GSPT1: variants seen among roughly 807,000 people sequenced by gnomAD.
GSPT1 encodes G1 to S phase transition 1, also known as eukaryotic peptide chain release factor GTP-binding subunit ERF3A.
In GSPT1, 20 loss-of-function variants were observed where a neutral mutation model predicts 72.5. The observed-to-expected ratio is 0.28, with a 90% confidence interval of 0.19 to 0.40. The LOEUF (loss-of-function observed/expected upper bound fraction) is 0.40. GSPT1 is among the 10% of genes least tolerant of loss of function. The pLI, the probability that GSPT1 is intolerant of heterozygous loss-of-function variation, is 1.00. For synonymous variants in GSPT1, 334 were observed against 293.5 expected, an observed-to-expected ratio of 1.14 and a Z score of -1.41; for missense variants, 580 against 811.9, an observed-to-expected ratio of 0.71 and a Z score of 3.47.
Position 11,915,683 on chromosome 16 carries a change from C to T in GSPT1, c.38G>A (p.Gly13Asp). The T allele has an allele frequency of 1.4e-6, 2 of 1,410,562 alleles. No individual in the cohort carries two copies. Among genetic ancestry groups the T allele is most frequent in the Non-Finnish European group, 1.9e-6 (2 of 1,062,526 alleles). The allele number at this position is 1,410,562 out of a possible 1,614,324, so 87.4% of individuals were successfully genotyped here. A position where few individuals can be genotyped will look rare whatever the true frequency, so the allele number is the denominator to read the frequency against. ...GCTGCCGCTGCTGCTCCCGCCGCCG[C>T]CGCCGCCGCCGCCGCCGCCGCCACT... ...PGSGGGGGGG[G>D]GGGSSSGSSS... Residue 13 changes from glycine to aspartate, a missense_variant, in exon 1 of 15, where the codon GGC becomes GAC. Around this residue, in one of 6 missense-constraint regions of GSPT1, gnomAD observed 327 missense variants for 298.8 expected, o/e 1.09. Transcript: ENST00000434724.
At position 11,915,917 on chromosome 16, in the gene GSPT1, CG is replaced by C. The variant is rs751566895; in HGVS notation, c.-198del. ...ACACTCGCGACGACGACAGAGGCGGCGGCGGCGGCAGCTCAACCCTCCTCCT... is the reference window on the plus strand; with the variant it reads ...ACACTCGCGACGACGACAGAGGCGGCGCGGCGGCAGCTCAACCCTCCTCCT... On this transcript the variant is annotated 5_prime_UTR_variant, in exon 1 of 15. Coordinates refer to ENST00000434724, the MANE Select transcript of GSPT1 (RefSeq NM_002094.4). The C allele has an allele frequency of 2.5e-6, 2 of 805,016 alleles. No individual in the cohort carries two copies. Among genetic ancestry groups the C allele is most frequent in the Admixed American group, 3.4e-5 (2 of 58,082 alleles). The allele number at this position is 805,016 out of a possible 1,614,324, so 49.9% of individuals were successfully genotyped here.
intron 1 of GSPT1, among the ~76,000 whole-genome samples, chr16:11,903,673 G>A (rs1461438250): frequency 6.6e-6 from 1 of 152,120 alleles, no homozygotes; most frequent in Non-Finnish European, 1.5e-5. Context: ...CCTGGACCAC[G>A]GTGTGAGACC....
chr16:11,889,116 A>G (rs1235961694), intron 6 of GSPT1, among the ~76,000 whole-genome samples: 3 of 151,902 alleles, frequency 2.0e-5, no homozygotes, highest in African/African-American at 4.8e-5. Context: ...AGACCATCGT[A>G]GCTAACACGG....
In GSPT1 at chr16:11,915,460, C is replaced by G. The variant is rs1389020825; in HGVS notation, c.261G>C (p.Pro87=). ...VPNVHAAEFV[P]SFLRGPAAPP... ...GCGCTGCCGGGCCCCGCAGGAAGGA[C>G]GGCACGAACTCGGCGGCGTGGACGT... Residue 87 remains proline (P), a synonymous_variant, in exon 1 of 15, where the codon CCG becomes CCC. Coordinates refer to ENST00000434724, the MANE Select transcript of GSPT1 (RefSeq NM_002094.4). The G allele has an allele frequency of 1.3e-6, 2 of 1,547,008 alleles. No homozygotes were observed. Among genetic ancestry groups the G allele is most frequent in the African/African-American group, 1.4e-5 (1 of 69,914 alleles).
At position 11,915,172 on chromosome 16, in the gene GSPT1, C is replaced by A. The variant is rs375798736; in HGVS notation, c.352+197G>T. On this transcript the variant is annotated intron_variant, in intron 1 of 14. Transcript: ENST00000434724. ...TTGGGCGCGCTGCCCGCTGTCCGCT[C>A]CCCGCCCGGCCACCGCCGCGGGCCG... 1.7e-3 allele frequency: 1,722 copies of A among 1,030,586 alleles called. 24 individuals carry two copies. The African/African-American group carries it at 0.026, about 15-fold the overall frequency. 63.8% of individuals were successfully genotyped at this position (1,030,586 alleles called of 1,614,324 possible). A position where few individuals can be genotyped will look rare whatever the true frequency, so the allele number is the denominator to read the frequency against.
chr16:11,869,247 C>T lies in GSPT1; in HGVS notation c.*3872G>A, dbSNP rs1424090116. ...GAAACCTAATCTAACCAACTGACTGCTAAATGTAAAGCTAGTTAAGTCTTT... is the reference window on the plus strand; with the variant it reads ...GAAACCTAATCTAACCAACTGACTGTTAAATGTAAAGCTAGTTAAGTCTTT... On this transcript the variant is annotated 3_prime_UTR_variant, in exon 15 of 15. Transcript: ENST00000434724. 1.3e-5 allele frequency: 2 copies of T among 152,198 alleles called. No homozygotes were observed. Among genetic ancestry groups the T allele is most frequent in the Non-Finnish European group, 2.9e-5 (2 of 68,036 alleles). The allele number at this position is 152,198 out of a possible 1,614,324, so 9.4% of individuals were successfully genotyped here.
chr16:11,889,243 G>A (rs2141289829), intron 6 of GSPT1, among the ~76,000 whole-genome samples: 1 of 151,744 alleles, frequency 6.6e-6, no homozygotes, highest in Admixed American at 6.6e-5. Context: ...AGGAGGTGGA[G>A]CTTGCAGTGA....
chr16:11,874,638 G>A (rs1380230765), intron 14 of GSPT1, among the ~76,000 whole-genome samples: 3 of 151,908 alleles, frequency 2.0e-5, no homozygotes, highest in South Asian at 2.1e-4. Context: ...CCAATAACCA[G>A]TTTTACTATC....
At chr16:11,890,497 C>T (rs184605673) in intron 6 of GSPT1, among the ~76,000 whole-genome samples, 2 of 152,044 alleles carry the variant, frequency 1.3e-5, no homozygotes, top group Non-Finnish European at 2.9e-5. Context: ...AGCATTTCTC[C>T]CGCTTATTTT....
At chr16:11,900,436 G>A (rs1052443326) in intron 1 of GSPT1, among the ~76,000 whole-genome samples, 1 of 151,920 alleles carries the variant, frequency 6.6e-6, no homozygotes, top group African/African-American at 2.4e-5. Flanking sequence ...TGTGTAGGGA[G>A]TGGGGGATGG....
intron 11 of GSPT1, among the ~76,000 whole-genome samples, chr16:11,879,377 G>T (rs1278697157): frequency 6.6e-6 from 1 of 151,608 alleles, no homozygotes; most frequent in Non-Finnish European, 1.5e-5. Flanking sequence ...CTGGGCCACA[G>T]AAGGAGACTC....
chr16:11,911,163 T>C (rs553594919), intron 1 of GSPT1, among the ~76,000 whole-genome samples: 27 of 152,330 alleles, frequency 1.8e-4, no homozygotes, highest in Non-Finnish European at 3.4e-4. Flanking sequence ...ATCTTACCTA[T>C]TATCTACCTC....
chr16:11,896,700 G>A lies in GSPT1; in HGVS notation c.522C>T (p.Ser174=), dbSNP rs1192998026. ...EISEAEPGGG[S]LGDGRPPEES... Reference sequence around the variant, plus strand: ...CCTCTGGCGGCCTTCCATCTCCCAAGGAACCACCCCCTGGCTCTGCTTCAC... The same window carrying A: ...CCTCTGGCGGCCTTCCATCTCCCAAAGAACCACCCCCTGGCTCTGCTTCAC... Residue 174 remains serine, a synonymous_variant, in exon 4 of 15, where the codon TCC becomes TCT. Coordinates refer to ENST00000434724, the MANE Select transcript of GSPT1 (RefSeq NM_002094.4). 6.2e-7 allele frequency: 1 copy of A among 1,608,024 alleles called. No individual in the cohort carries two copies. The highest frequency in any genetic ancestry group is 1.1e-5 in the South Asian group (1 of 89,672).
At chr16:11,892,690 G>C (rs1267048597) in intron 5 of GSPT1, among the ~76,000 whole-genome samples, 1 of 150,794 alleles carries the variant, frequency 6.6e-6, no homozygotes, top group Non-Finnish European at 1.5e-5. Flanking sequence ...TTAGCCAGAC[G>C]TGGTGGTGCA....
intron 6 of GSPT1, among the ~76,000 whole-genome samples, chr16:11,888,012 A>G (rs183506046): frequency 6.6e-6 from 1 of 152,196 alleles, no homozygotes; most frequent in East Asian, 1.9e-4. Flanking sequence ...AAATACAAAA[A>G]TTAGCTGGGT....
chr16:11,873,864 CA>C (rs954637910), intron 14 of GSPT1, among the ~76,000 whole-genome samples: 38 of 152,188 alleles, frequency 2.5e-4, no homozygotes, highest in African/African-American at 8.9e-4. Flanking sequence ...GCTGGGATTA[CA>C]GGGGTGAGCC....
rs1421248036 is a variant in GSPT1 at position 11,915,737 on chromosome 16, T to C, written c.-17A>G. On this transcript the variant is annotated 5_prime_UTR_variant, in exon 1 of 15. Transcript: ENST00000434724. ...CGGATCCATGATCGGGGGGGCCGTG[T>C]GTGTGGTGGACAGAGAGCGGGAAAT... is the stretch of plus-strand genomic sequence containing the variant. The C allele has an allele frequency of 6.6e-7, 1 of 1,520,230 alleles. No individual in the cohort carries two copies. The highest frequency in any genetic ancestry group is 1.4e-5 in the African/African-American group (1 of 70,096). The allele number at this position is 1,520,230 out of a possible 1,614,324, so 94.2% of individuals were successfully genotyped here. A position where few individuals can be genotyped will look rare whatever the true frequency, so the allele number is the denominator to read the frequency against.
intron 3 of GSPT1, 29 bp from the exon 4 acceptor site, chr16:11,896,814 C>A: frequency 7.5e-7 from 1 of 1,340,520 alleles, no homozygotes; most frequent in South Asian, 1.3e-5. Flanking sequence ...ACTTAGTATT[C>A]TGAAAAAGAC....
intron 3 of GSPT1, among the ~76,000 whole-genome samples, chr16:11,897,327 C>T (rs1201480166): frequency 6.6e-6 from 1 of 152,140 alleles, no homozygotes; most frequent in African/African-American, 2.4e-5. Flanking sequence ...TGGCTCACAC[C>T]TGTAATCCCA....
Sources: gnomAD v4.1 joint callset for allele counts (sites outside exome capture counted in the v4.1 genomes callset) on GRCh38, gnomAD v4.1.1 for gene constraint, gnomAD v4.1.1 regional missense constraint, MANE v1.5 for transcripts, NCBI Gene and HGNC (gene_info 2026-07-23, HGNC 2026-07-21) for gene names.